The following CACNA2D1 variants were observed in gnomAD, a reference collection of about 807,000 sequenced individuals.
CACNA2D1 encodes the protein calcium voltage-gated channel auxiliary subunit alpha2delta 1.
A neutral mutation model predicts 171.5 loss-of-function variants in CACNA2D1; 53 were observed. The observed-to-expected ratio is 0.31, with a 90% CI of 0.25 to 0.39. CACNA2D1 has a LOEUF of 0.39. CACNA2D1 is among the 10% of genes least tolerant of loss of function. The probability of loss-of-function intolerance (pLI) is 1.00; values close to 1 mark genes in which losing one functional copy is unlikely to be tolerated. For synonymous variants in CACNA2D1, 442 were observed against 443.1 expected (o/e 1.00, Z 0.03); for missense variants, 903 against 1,299.8 (o/e 0.69, Z 4.69).
chr7:82,317,356 T>C (rs1009156314), intron 3 of CACNA2D1, among the ~76,000 whole-genome samples: 7 of 152,316 alleles, frequency 4.6e-5, no homozygotes, highest in Non-Finnish European at 8.8e-5. Context: ...ATCATAGGGA[T>C]AATTCCCGTG....
At chr7:82,039,098 A>C (rs904758569) in intron 10 of CACNA2D1, among the ~76,000 whole-genome samples, 1 of 152,174 alleles carries the variant, frequency 6.6e-6, no homozygotes, top group African/African-American at 2.4e-5. Context: ...TGGCACCTAA[A>C]CTGTCACATC....
chr7:82,014,143 T>C (rs1001230059), intron 13 of CACNA2D1, among the ~76,000 whole-genome samples: 28 of 152,248 alleles, frequency 1.8e-4, no homozygotes, highest in South Asian at 8.3e-4. Flanking sequence ...ATCTGATATA[T>C]ATCATTCAGT....
chr7:82,115,097 G>T (rs1788889445), intron 6 of CACNA2D1, among the ~76,000 whole-genome samples: 1 of 152,140 alleles, frequency 6.6e-6, no homozygotes, highest in South Asian at 2.1e-4. Flanking sequence ...GAGTAACGCA[G>T]GTTGAAAAGC....
chr7:82,002,722 T>A (rs1010882389), intron 18 of CACNA2D1, among the ~76,000 whole-genome samples: 1 of 152,128 alleles, frequency 6.6e-6, no homozygotes, highest in Non-Finnish European at 1.5e-5. Flanking sequence ...CATTTTGGAA[T>A]AAAGCAGAAT....
chr7:82,270,809 C>T (rs752040634), intron 3 of CACNA2D1, among the ~76,000 whole-genome samples: 4 of 152,136 alleles, frequency 2.6e-5, no homozygotes, highest in Non-Finnish European at 5.9e-5. Flanking sequence ...CTCCTATTAA[C>T]CACTTCTTTG....
intron 1 of CACNA2D1, among the ~76,000 whole-genome samples, chr7:82,387,442 C>G (rs1824534902): frequency 6.6e-6 from 1 of 152,092 alleles, no homozygotes; most frequent in African/African-American, 2.4e-5. Context: ...AAAACAAAAA[C>G]ATACATGTTT....
At chr7:82,142,199 T>C (rs1293819841) in intron 4 of CACNA2D1, among the ~76,000 whole-genome samples, 1 of 152,232 alleles carries the variant, frequency 6.6e-6, no homozygotes, top group African/African-American at 2.4e-5. Flanking sequence ...AATTGTTTTC[T>C]TTCTGATTTT....
intron 1 of CACNA2D1, among the ~76,000 whole-genome samples, chr7:82,409,699 A>G (rs998335821): frequency 4.6e-5 from 7 of 152,178 alleles, no homozygotes; most frequent in Non-Finnish European, 8.8e-5. Flanking sequence ...GTGATTGCTG[A>G]GAGTTCCTGA....
At chr7:82,071,348 G>A (rs1808300504) in intron 7 of CACNA2D1, among the ~76,000 whole-genome samples, 1 of 152,188 alleles carries the variant, frequency 6.6e-6, no homozygotes, top group African/African-American at 2.4e-5. Flanking sequence ...GATAGAATGA[G>A]ATAGGGTGAA....
At chr7:82,287,333 T>A (rs1810929024) in intron 3 of CACNA2D1, among the ~76,000 whole-genome samples, 1 of 152,056 alleles carries the variant, frequency 6.6e-6, no homozygotes, top group Non-Finnish European at 1.5e-5. Flanking sequence ...TTAAATTATA[T>A]TTAGGCAGGC....
intron 6 of CACNA2D1, among the ~76,000 whole-genome samples, chr7:82,111,255 GATAT>G (rs372604030): frequency 7.2e-6 from 1 of 139,348 alleles, no homozygotes; most frequent in Non-Finnish European, 1.5e-5. Flanking sequence ...ACTTTTCCTT[GATAT>G]ATATATATAC....
At chr7:82,138,043 T>C (rs955241108) in intron 4 of CACNA2D1, among the ~76,000 whole-genome samples, 40 of 152,252 alleles carry the variant, frequency 2.6e-4, no homozygotes, top group African/African-American at 9.1e-4. Flanking sequence ...ATCATATGAC[T>C]TTAGAATATA....
intron 6 of CACNA2D1, among the ~76,000 whole-genome samples, chr7:82,114,281 A>T (rs563061669): frequency 6.6e-6 from 1 of 152,328 alleles, no homozygotes; most frequent in Admixed American, 6.5e-5. Context: ...TAAGTTATAA[A>T]GTGATTTCAA....
chr7:82,239,868 A>T (rs1346151927), intron 3 of CACNA2D1, among the ~76,000 whole-genome samples: 1 of 152,166 alleles, frequency 6.6e-6, no homozygotes, highest in Non-Finnish European at 1.5e-5. Context: ...CATACACATT[A>T]CCACCCCAAC....
At chr7:82,232,766 A>C (rs146791330) in intron 3 of CACNA2D1, among the ~76,000 whole-genome samples, 4,524 of 144,164 alleles carry the variant, frequency 0.031, 214 homozygotes, top group African/African-American at 0.11. Flanking sequence ...CGGGAGGCTG[A>C]GGCAGGAGAA....
In CACNA2D1 at chr7:82,274,598, C is replaced by T. The variant is rs1809076110; in HGVS notation, c.294+60537G>A. 3.9e-5 allele frequency among the ~76,000 whole-genome samples: 6 copies of T among 152,260 alleles called. No homozygotes were observed. In the South Asian group the frequency reaches 1.2e-3, roughly 32 times the overall value. ...CTACATTTCTAATCAGTACTGCTTTCTCGTTCACTGAGTCAATCACTGTTA... is the reference window on the plus strand; with the variant it reads ...CTACATTTCTAATCAGTACTGCTTTTTCGTTCACTGAGTCAATCACTGTTA... On this transcript the variant is annotated intron_variant, in intron 3 of 38. Transcript: ENST00000356860.
intron 1 of CACNA2D1, among the ~76,000 whole-genome samples, chr7:82,367,548 A>G (rs756198099): frequency 5.9e-5 from 9 of 152,110 alleles, no homozygotes; most frequent in Non-Finnish European, 1.0e-4. Context: ...TGCAATTATT[A>G]TATTTGTCTA....
At chr7:82,316,765 G>A (rs761561202) in intron 3 of CACNA2D1, among the ~76,000 whole-genome samples, 16 of 152,152 alleles carry the variant, frequency 1.1e-4, no homozygotes, top group Non-Finnish European at 1.8e-4. Flanking sequence ...GAGAAGCAAA[G>A]GCATGCCTTA....
chr7:82,394,054 T>C (rs899681900), intron 1 of CACNA2D1, among the ~76,000 whole-genome samples: 2 of 152,002 alleles, frequency 1.3e-5, no homozygotes, highest in African/African-American at 2.4e-5. Context: ...GAATATGCAA[T>C]GCAAATAAAT....
Sources: allele counts gnomAD v4.1 joint callset (sites outside exome capture counted in the v4.1 genomes callset), GRCh38; gene constraint gnomAD v4.1.1; transcripts MANE v1.5; gene names NCBI Gene and HGNC (gene_info 2026-07-23, HGNC 2026-07-21).